Variants in SGMS1 observed in about 807,000 individuals in gnomAD.
SGMS1 encodes phosphatidylcholine:ceramide cholinephosphotransferase 1.
SGMS1 carries 13 observed loss-of-function variants against 46.2 expected under a neutral mutation model. The ratio of observed to expected loss-of-function variants is 0.28; its 90% CI spans 0.18 to 0.45. The LOEUF is 0.45. SGMS1 is among the 20% of genes least tolerant of loss of function. The pLI is 1.00. For synonymous variants in SGMS1, 203 were observed against 187.8 expected, an observed-to-expected ratio of 1.08 and a Z score of -0.66; for missense variants, 324 against 519.9, an observed-to-expected ratio of 0.62 and a Z score of 3.66.
rs146977878 is a variant in SGMS1, at chr10:50,416,714, T to G, written c.-232+16762A>C. ...ACTCGGAGCAAAAGGGCTTAACAAT[T>G]AACCTATGAGCTTGAAAACAGTGTT... On this transcript the variant is annotated intron_variant, in intron 6 of 10. Coordinates refer to ENST00000361781, the MANE Select transcript of SGMS1 (RefSeq NM_147156.4). 8.8e-3 allele frequency among the ~76,000 whole-genome samples: 1,340 copies of G among 152,124 alleles called. 15 individuals are homozygous for G. The highest frequency in any genetic ancestry group is 0.02 in the Middle Eastern group (6 of 294).
Position 50,307,070 on chromosome 10 carries a change from T to C in SGMS1, c.*72A>G. On this transcript the variant is annotated 3_prime_UTR_variant, in exon 11 of 11. Transcript: ENST00000361781. The surrounding 1 kb of genome is among the most constrained non-coding windows in gnomAD (Gnocchi z 4.2). ...GATAATAGGATTAGGGAGGTGTTTA[T>C]TTTATGGCATCTTCTCTCATGGAGT... 6.8e-7 allele frequency: 1 copy of C among 1,463,562 alleles called. No homozygotes were observed. The highest frequency in any genetic ancestry group is 9.3e-7 in the Non-Finnish European group (1 of 1,073,342). 90.7% of individuals were successfully genotyped at this position (1,463,562 alleles called of 1,614,324 possible).
intron 7 of SGMS1, 33 bp from the exon 8 acceptor site, chr10:50,327,355 G>T: frequency 1.6e-6 from 2 of 1,251,072 alleles, no homozygotes; most frequent in Non-Finnish European, 1.2e-6. Flanking sequence ...CAGATTCTCA[G>T]TCAAGAAATT....
chr10:50,576,008 C>T (rs180697618), intron 2 of SGMS1, among the ~76,000 whole-genome samples: 141 of 152,278 alleles, frequency 9.3e-4, no homozygotes, highest in Non-Finnish European at 1.7e-3. Flanking sequence ...CCAACCTCAG[C>T]GGCATCTGCC....
At chr10:50,347,600 A>T (rs1204765689) in intron 6 of SGMS1, among the ~76,000 whole-genome samples, 1 of 152,196 alleles carries the variant, frequency 6.6e-6, no homozygotes, top group African/African-American at 2.4e-5. Context: ...CAGCCAAAGG[A>T]ACCCTCAACA....
At chr10:50,401,759 A>T (rs1848944228) in intron 6 of SGMS1, among the ~76,000 whole-genome samples, 1 of 152,220 alleles carries the variant, frequency 6.6e-6, no homozygotes, top group South Asian at 2.1e-4. Context: ...CAAAGCACCA[A>T]GGTCTCACCC....
At chr10:50,441,867 T>C (rs1202339386) in intron 5 of SGMS1, among the ~76,000 whole-genome samples, 3 of 151,260 alleles carry the variant, frequency 2.0e-5, no homozygotes, top group South Asian at 2.1e-4. Flanking sequence ...TTTTTATCCA[T>C]TGCATGGATA....
At chr10:50,347,378 G>T (rs1474778906) in intron 6 of SGMS1, among the ~76,000 whole-genome samples, 1 of 152,186 alleles carries the variant, frequency 6.6e-6, no homozygotes, top group African/African-American at 2.4e-5. Context: ...AATAAGATGG[G>T]CATTCTCTAG....
At chr10:50,521,639 C>A (rs183352064) in intron 2 of SGMS1, among the ~76,000 whole-genome samples, 11 of 152,236 alleles carry the variant, frequency 7.2e-5, no homozygotes, top group African/African-American at 2.6e-4. Flanking sequence ...GATACTGACA[C>A]TTTAGAAGAA....
chr10:50,494,978 G>C (rs1236823245), intron 3 of SGMS1, among the ~76,000 whole-genome samples: 1 of 149,940 alleles, frequency 6.7e-6, no homozygotes, highest in Non-Finnish European at 1.5e-5. Context: ...GGAGCTTGCA[G>C]TGAGCAGAGA....
rs565267082 is a variant in SGMS1, at chr10:50,339,646, T to C, written c.623+3846A>G. Among the ~76,000 whole-genome samples, 4 of 152,344 alleles carry C rather than the reference T, an allele frequency of 2.6e-5. No individual in the cohort carries two copies. The East Asian group carries it at 7.7e-4, about 29-fold the overall frequency. On this transcript the variant is annotated intron_variant, in intron 7 of 10. Coordinates refer to ENST00000361781, the MANE Select transcript of SGMS1 (RefSeq NM_147156.4). ...GGGTCTATCGGTGCCTGAAATATGG[T>C]ATACTGCTTAATAAACACTAGTTGA...
At chr10:50,585,657 G>T (rs1838476721) in intron 2 of SGMS1, among the ~76,000 whole-genome samples, 2 of 152,238 alleles carry the variant, frequency 1.3e-5, no homozygotes, top group African/African-American at 2.4e-5. Flanking sequence ...TCATATTTTT[G>T]ATTTATAGAA....
chr10:50,561,443 G>A, intron 2 of SGMS1, among the ~76,000 whole-genome samples: 1 of 152,198 alleles, frequency 6.6e-6, no homozygotes, highest in East Asian at 1.9e-4. Context: ...TGGGTTAGAG[G>A]ATTTCTGGGA....
At chr10:50,339,741 T>C (rs1449365707) in intron 7 of SGMS1, among the ~76,000 whole-genome samples, 8 of 152,226 alleles carry the variant, frequency 5.3e-5, no homozygotes, top group Non-Finnish European at 1.0e-4. Context: ...GAATGATGAA[T>C]AGGGTCTAGT....
At position 50,487,979 on chromosome 10, in the gene SGMS1, T is replaced by TTTTTA. The variant is rs539440966; in HGVS notation, c.-497-21052_-497-21048dup. 9.5e-3 allele frequency among the ~76,000 whole-genome samples: 1,403 copies of TTTTTA among 147,348 alleles called. 16 individuals are homozygous for TTTTTA. Among genetic ancestry groups the TTTTTA allele is most frequent in the Non-Finnish European group, 0.015 (997 of 66,946 alleles). On this transcript the variant is annotated intron_variant, in intron 3 of 10. Coordinates refer to ENST00000361781, the MANE Select transcript of SGMS1 (RefSeq NM_147156.4). ...AGGATATTTCCTGATTTTTATTTTG[T>TTTTTA]TTTTATTTTATTTATTTATTTATTT...
In SGMS1 at chr10:50,307,304, G is replaced by C. The variant is rs1589378177; in HGVS notation, c.1080C>G (p.Ser360=). 4 of 1,612,688 alleles carry C rather than the reference G, an allele frequency of 2.5e-6. No individual in the cohort carries two copies. The East Asian group carries it at 8.9e-5, about 36-fold the overall frequency. ...MANQQVLKEA[S]QMNLLARVWW... ...ACACCCTGGCCAGGAGGTTCATCTG[G>C]GAAGCTTCCTTTAGCACCTAGGATA... Residue 360 remains serine, a synonymous_variant, in exon 11 of 11, where the codon TCC becomes TCG. Transcript: ENST00000361781. This position sits in a 1 kb window ranked among gnomAD's most constrained non-coding sequence, Gnocchi z 4.2.
chr10:50,483,054 T>TA (rs1238471018), intron 3 of SGMS1, among the ~76,000 whole-genome samples: 1 of 152,222 alleles, frequency 6.6e-6, no homozygotes, highest in African/African-American at 2.4e-5. Flanking sequence ...CCCGAATTCA[T>TA]AAAAAAACAA....
chr10:50,591,633 A>C (rs1408660089), intron 1 of SGMS1, among the ~76,000 whole-genome samples: 1 of 152,190 alleles, frequency 6.6e-6, no homozygotes, highest in Non-Finnish European at 1.5e-5. Context: ...CACACTGTTC[A>C]CTAACAGAAG....
At chr10:50,486,140 CT>C (rs1271567251) in intron 3 of SGMS1, among the ~76,000 whole-genome samples, 1 of 152,102 alleles carries the variant, frequency 6.6e-6, no homozygotes, top group African/African-American at 2.4e-5. Flanking sequence ...AAACTAGATC[CT>C]TTCCTTACAC....
intron 1 of SGMS1, among the ~76,000 whole-genome samples, chr10:50,611,716 C>T (rs1838751018): frequency 6.6e-6 from 1 of 152,172 alleles, no homozygotes; most frequent in African/African-American, 2.4e-5. Context: ...TTTTCTCCAG[C>T]ATCCCAAGCA....
Sources: gnomAD v4.1 joint callset for allele counts (sites outside exome capture counted in the v4.1 genomes callset) on GRCh38, gnomAD v4.1.1 for gene constraint, Gnocchi (gnomAD v3.1) non-coding constraint, MANE v1.5 for transcripts, NCBI Gene and HGNC (gene_info 2026-07-23, HGNC 2026-07-21) for gene names.